Variants in PHKA1 observed in about 807,000 individuals in gnomAD.
PHKA1 encodes the protein phosphorylase kinase regulatory subunit alpha 1, also known as phosphorylase b kinase regulatory subunit alpha, skeletal muscle isoform.
In PHKA1, 60 loss-of-function variants were observed where a neutral mutation model predicts 110.2. The ratio of observed to expected loss-of-function variants is 0.54; its 90% CI spans 0.44 to 0.68. PHKA1 has a LOEUF of 0.68. Ranked by LOEUF, PHKA1 falls within the 30% of genes least tolerant of loss-of-function variation. The pLI is 0.00. For missense variants in PHKA1, 801 were observed against 942.5 expected, an observed-to-expected ratio of 0.85 and a Z score of 1.97; for synonymous variants, 316 against 333.6, an observed-to-expected ratio of 0.95 and a Z score of 0.58.
At chrX:72,616,300 T>G (rs1268955367) in intron 21 of PHKA1, among the ~76,000 whole-genome samples, 1 of 112,046 alleles carries the variant, frequency 8.9e-6, no homozygotes, top group African/African-American at 3.2e-5. Flanking sequence ...CCCAGGAGTT[T>G]GAGACTACAG....
intron 21 of PHKA1, among the ~76,000 whole-genome samples, chrX:72,616,147 C>T (rs1289086528): frequency 3.6e-5 from 4 of 111,458 alleles, no homozygotes; most frequent in Non-Finnish European, 7.5e-5. Flanking sequence ...AGAAGGATGG[C>T]TTGAGCCCAA....
intron 29 of PHKA1, among the ~76,000 whole-genome samples, chrX:72,587,629 C>T (rs782363464): frequency 1.8e-5 from 2 of 111,637 alleles, no homozygotes; most frequent in East Asian, 5.6e-4. Flanking sequence ...TTAAAAGACA[C>T]AGACTGGCAA....
At chrX:72,666,425 T>C in intron 7 of PHKA1, 128 bp from the exon 8 acceptor site, 1 of 567,134 alleles carries the variant, frequency 1.8e-6, no homozygotes, top group Non-Finnish European at 2.8e-6. Context: ...ATTCTTTATC[T>C]ATTTTAAGTA....
intron 29 of PHKA1, among the ~76,000 whole-genome samples, chrX:72,590,645 T>A (rs1269914210): frequency 9.0e-6 from 1 of 111,367 alleles, no homozygotes; most frequent in African/African-American, 3.3e-5. Context: ...TGGGAGAAAA[T>A]TTTTGCAATC....
At chrX:72,592,440 T>C (rs1284387977) in intron 29 of PHKA1, among the ~76,000 whole-genome samples, 1 of 112,760 alleles carries the variant, frequency 8.9e-6, no homozygotes, top group Non-Finnish European at 1.9e-5. Flanking sequence ...ATGAGACCTA[T>C]GCTGAGCATA....
At chrX:72,693,959 G>A (rs1163681234) in intron 4 of PHKA1, among the ~76,000 whole-genome samples, 1 of 111,867 alleles carries the variant, frequency 8.9e-6, no homozygotes, top group East Asian at 2.8e-4. Flanking sequence ...CCTGCTGTAT[G>A]TCCTTCAGAC....
intron 4 of PHKA1, among the ~76,000 whole-genome samples, chrX:72,692,786 G>C (rs1279940873): frequency 1.8e-5 from 2 of 110,560 alleles, no homozygotes; most frequent in Non-Finnish European, 3.8e-5. Flanking sequence ...TGAACTTTTG[G>C]TTTTGTTGAT....
chrX:72,657,778 C>T, intron 8 of PHKA1, 137 bp from the exon 9 acceptor site: 1 of 470,054 alleles, frequency 2.1e-6, no homozygotes, highest in East Asian at 3.9e-5. Flanking sequence ...AACCAAAAAA[C>T]CTATAATAAT....
chrX:72,683,947 A>G (rs557993368), intron 5 of PHKA1, among the ~76,000 whole-genome samples: 1 of 112,629 alleles, frequency 8.9e-6, no homozygotes, highest in Admixed American at 9.4e-5. Flanking sequence ...AAAGTTGTCT[A>G]TGTTAGACTG....
chrX:72,650,269 A>G (rs2053413654), intron 13 of PHKA1, 121 bp downstream of exon 13: 1 of 558,083 alleles, frequency 1.8e-6, no homozygotes, highest in Non-Finnish European at 3.0e-6. Context: ...CATTGTATAC[A>G]TTTTGAAGCC....
chrX:72,607,166 T>C (rs1363546343), intron 23 of PHKA1, among the ~76,000 whole-genome samples: 1 of 112,043 alleles, frequency 8.9e-6, no homozygotes, highest in African/African-American at 3.2e-5. Context: ...TTATTGTGAA[T>C]ACTGATGAAA....
chrX:72,599,001 C>T (rs1556238292), intron 28 of PHKA1, among the ~76,000 whole-genome samples: 1 of 110,688 alleles, frequency 9.0e-6, no homozygotes, highest in East Asian at 2.8e-4. Context: ...AGATCCTAGG[C>T]TGTTGATTGT....
chrX:72,689,836 G>GTGTA (rs2147817148), intron 4 of PHKA1, among the ~76,000 whole-genome samples: 1 of 111,699 alleles, frequency 9.0e-6, no homozygotes. Context: ...TCCACCAGCA[G>GTGTA]TGTATGAGGG....
At chrX:72,635,928 A>G (rs1286167202) in intron 15 of PHKA1, among the ~76,000 whole-genome samples, 1 of 112,078 alleles carries the variant, frequency 8.9e-6, no homozygotes, top group Non-Finnish European at 1.9e-5. Context: ...CAAAGAAAAC[A>G]TAATTTAGTA....
At chrX:72,616,323 A>G (rs1385598391) in intron 21 of PHKA1, among the ~76,000 whole-genome samples, 1 of 112,298 alleles carries the variant, frequency 8.9e-6, no homozygotes, top group African/African-American at 3.2e-5. Context: ...AGCCATGTTC[A>G]TGGCACTACA....
intron 23 of PHKA1, among the ~76,000 whole-genome samples, chrX:72,607,178 A>T (rs966274190): frequency 8.9e-6 from 1 of 111,979 alleles, no homozygotes; most frequent in Non-Finnish European, 1.9e-5. Context: ...CTGATGAAAT[A>T]AACACAGGAG....
intron 23 of PHKA1, among the ~76,000 whole-genome samples, chrX:72,606,344 TCACACACATGCACACA>T (rs1481339106): frequency 2.9e-5 from 3 of 104,209 alleles, no homozygotes; most frequent in Non-Finnish European, 5.9e-5. Flanking sequence ...TAGTTTCAAT[TCACACACATGCACACA>T]CACACACACA....
chrX:72,593,326 G>C, intron 28 of PHKA1, 52 bp from the exon 29 acceptor site: 1 of 962,501 alleles, frequency 1.0e-6, no homozygotes, highest in Non-Finnish European at 1.4e-6. Context: ...CTGTTTCTAT[G>C]ATGAAGTCTT....
intron 21 of PHKA1, among the ~76,000 whole-genome samples, chrX:72,616,139 A>G (rs1286195118): frequency 9.0e-6 from 1 of 111,525 alleles, no homozygotes; most frequent in Non-Finnish European, 1.9e-5. Flanking sequence ...GCTGAGGCAG[A>G]AGGATGGCTT....
Sources: gnomAD v4.1 joint callset for allele counts (sites outside exome capture counted in the v4.1 genomes callset) on GRCh38, gnomAD v4.1.1 for gene constraint, MANE v1.5 for transcripts, NCBI Gene and HGNC (gene_info 2026-07-23, HGNC 2026-07-21) for gene names.